Variants in SNTG1 observed in about 807,000 individuals in gnomAD.
SNTG1 encodes syntrophin gamma 1.
Under a neutral mutation model 74.7 loss-of-function variants are expected in SNTG1, and 39 were observed. That is an observed-to-expected ratio of 0.52 (90% CI 0.40 to 0.68). The LOEUF (loss-of-function observed/expected upper bound fraction) is 0.68, where lower values mean the gene tolerates loss of function less well. SNTG1 is among the 30% of genes least tolerant of loss of function. The pLI is 0.00. For missense variants in SNTG1, 685 were observed against 609.5 expected, an observed-to-expected ratio of 1.12 and a Z score of -1.30; for synonymous variants, 254 against 217.1, an observed-to-expected ratio of 1.17 and a Z score of -1.49.
intron 2 of SNTG1, among the ~76,000 whole-genome samples, chr8:50,178,382 T>A (rs1348904253): frequency 2.0e-5 from 3 of 151,550 alleles, no homozygotes. Context: ...TGTCACTTTC[T>A]GTCTCTCTCT....
intron 13 of SNTG1, among the ~76,000 whole-genome samples, chr8:50,646,683 A>G (rs1237831209): frequency 2.0e-5 from 3 of 152,148 alleles, no homozygotes. Context: ...GTAGAAATGT[A>G]ATTATTATGA....
Position 50,792,723 on chromosome 8 carries a change from T to C in SNTG1, c.1448T>C (p.Phe483Ser). ...GTTCTTCACTGCATTCATTCCTTCT[T>C]TGCTGCCAAGGTAGCTTGTTTGGAC... ...FAVLHCIHSF[F>S]AAKVACLDPL... The change falls in exon 19 of 19, where the codon TTT becomes TCT. Residue 483 changes from phenylalanine to serine, a missense_variant. Coordinates refer to ENST00000642720, the MANE Select transcript of SNTG1 (RefSeq NM_018967.5). 1 of 1,612,564 alleles carries C rather than the reference T, an allele frequency of 6.2e-7. No individual in the cohort carries two copies. Among genetic ancestry groups the C allele is most frequent in the Non-Finnish European group, 8.5e-7 (1 of 1,178,916 alleles).
chr8:50,755,670 A>T (rs1249431694), intron 18 of SNTG1, among the ~76,000 whole-genome samples: 1 of 151,846 alleles, frequency 6.6e-6, no homozygotes, highest in East Asian at 2.0e-4. Context: ...AGTTTTTTTA[A>T]AATTGCCAAA....
intron 1 of SNTG1, among the ~76,000 whole-genome samples, chr8:50,115,576 A>AAAAAAAAAAAAAAAAAAAAAAC (rs1482375164): frequency 0.01 from 847 of 82,802 alleles, 149 homozygotes; most frequent in East Asian, 0.054. Flanking sequence ...TCAAAAAAAA[A>AAAAAAAAAAAAAAAAAAAAAAC]AAAAAAAAAA....
At chr8:50,010,882 A>T (rs1444996991) in intron 1 of SNTG1, among the ~76,000 whole-genome samples, 1 of 148,988 alleles carries the variant, frequency 6.7e-6, no homozygotes, top group Non-Finnish European at 1.5e-5. Flanking sequence ...CAACAAATAG[A>T]GTTGTGTTAT....
intron 4 of SNTG1, among the ~76,000 whole-genome samples, chr8:50,418,439 A>T (rs773538522): frequency 6.6e-6 from 1 of 151,782 alleles, no homozygotes; most frequent in South Asian, 2.1e-4. Context: ...CTTCATTTCC[A>T]TCTATAGGCA....
intron 18 of SNTG1, among the ~76,000 whole-genome samples, chr8:50,758,027 CT>C (rs1173755797): frequency 6.6e-6 from 1 of 151,862 alleles, no homozygotes; most frequent in Admixed American, 6.6e-5. Context: ...ATACACAATC[CT>C]ATACAATCTA....
chr8:50,151,348 T>C (rs966506638), intron 1 of SNTG1, among the ~76,000 whole-genome samples: 4 of 152,154 alleles, frequency 2.6e-5, no homozygotes, highest in Admixed American at 2.6e-4. Context: ...TTTGTTGATC[T>C]TTTCAAAAAA....
At chr8:50,671,659 A>G (rs1186439545) in intron 15 of SNTG1, among the ~76,000 whole-genome samples, 16 of 152,116 alleles carry the variant, frequency 1.1e-4, no homozygotes, top group African/African-American at 3.9e-4. Context: ...ATCTAGAACT[A>G]GAAATGCCAT....
intron 13 of SNTG1, among the ~76,000 whole-genome samples, chr8:50,641,022 G>T (rs1563681876): frequency 6.6e-6 from 1 of 152,006 alleles, no homozygotes; most frequent in Admixed American, 6.5e-5. Flanking sequence ...CAGTTCAATT[G>T]CTTCTTTACT....
At chr8:50,157,931 A>G (rs1025233947) in intron 1 of SNTG1, among the ~76,000 whole-genome samples, 5 of 152,140 alleles carry the variant, frequency 3.3e-5, no homozygotes, top group African/African-American at 7.2e-5. Context: ...GATAAAAGCA[A>G]TAAGTGGTTG....
intron 4 of SNTG1, among the ~76,000 whole-genome samples, chr8:50,406,127 A>G (rs1486621138): frequency 6.6e-6 from 1 of 152,114 alleles, no homozygotes; most frequent in Non-Finnish European, 1.5e-5. Context: ...TCTGTAGATC[A>G]CTTTTAGTAG....
At chr8:50,451,637 C>A (rs1313132489) in intron 8 of SNTG1, among the ~76,000 whole-genome samples, 2 of 152,242 alleles carry the variant, frequency 1.3e-5, no homozygotes, top group Non-Finnish European at 2.9e-5. Flanking sequence ...ATTAGATATT[C>A]TAATTCAGCC....
At chr8:50,342,798 T>G (rs2091356989) in intron 2 of SNTG1, among the ~76,000 whole-genome samples, 1 of 152,180 alleles carries the variant, frequency 6.6e-6, no homozygotes, top group African/African-American at 2.4e-5. Flanking sequence ...ATGCTTTTGT[T>G]TTGCCTGTGA....
chr8:50,160,091 G>A (rs550555571), intron 1 of SNTG1, among the ~76,000 whole-genome samples: 9 of 152,050 alleles, frequency 5.9e-5, no homozygotes, highest in Non-Finnish European at 1.3e-4. Flanking sequence ...TGTGTTTGTT[G>A]GTTTTTCTAA....
At chr8:50,529,474 T>C (rs1234930537) in intron 9 of SNTG1, among the ~76,000 whole-genome samples, 2 of 152,040 alleles carry the variant, frequency 1.3e-5, no homozygotes, top group African/African-American at 4.8e-5. Flanking sequence ...TATTTGTGGG[T>C]AATATTTATA....
intron 2 of SNTG1, among the ~76,000 whole-genome samples, chr8:50,389,662 G>A (rs964854531): frequency 5.9e-5 from 9 of 152,318 alleles, no homozygotes; most frequent in African/African-American, 1.9e-4. Context: ...TTGACACACT[G>A]TCTTCCACAA....
intron 1 of SNTG1, among the ~76,000 whole-genome samples, chr8:49,989,047 G>A (rs1813436526): frequency 1.3e-5 from 2 of 151,906 alleles, no homozygotes; most frequent in Non-Finnish European, 2.9e-5. Flanking sequence ...GCATGCCTAT[G>A]TGAAAACATC....
At chr8:50,224,151 G>A (rs947424858) in intron 2 of SNTG1, among the ~76,000 whole-genome samples, 5 of 152,024 alleles carry the variant, frequency 3.3e-5, no homozygotes, top group Admixed American at 2.6e-4. Context: ...CATATAAAGT[G>A]AATAATGTAC....
Sources: gnomAD v4.1 joint callset for allele counts (sites outside exome capture counted in the v4.1 genomes callset) on GRCh38, gnomAD v4.1.1 for gene constraint, MANE v1.5 for transcripts, NCBI Gene and HGNC (gene_info 2026-07-23, HGNC 2026-07-21) for gene names.